Variants in ZFAND4 observed in about 807,000 individuals in gnomAD.
ZFAND4 encodes AN1-type zinc finger protein 4.
ZFAND4 carries 43 observed loss-of-function variants against 64.4 expected under a neutral mutation model. That is an observed-to-expected ratio of 0.67 (90% CI 0.52 to 0.86). The LOEUF is 0.86. ZFAND4 is among the 40% of genes least tolerant of loss of function. The pLI, the probability that ZFAND4 is intolerant of heterozygous loss-of-function variation, is 0.00. For missense variants in ZFAND4, 929 were observed against 859.8 expected (o/e 1.08, Z -1.01); for synonymous variants, 296 against 305.7 (o/e 0.97, Z 0.33).
At position 45,657,731 on chromosome 10, in the gene ZFAND4, T is replaced by A. The variant is rs1253942378; in HGVS notation, c.185-4672A>T. Among the ~76,000 whole-genome samples, 5 of 152,292 alleles carry A rather than the reference T, an allele frequency of 3.3e-5. No individual in the cohort carries two copies. The East Asian group carries it at 5.8e-4, about 18-fold the overall frequency. On this transcript the variant is annotated intron_variant, in intron 2 of 9. Transcript: ENST00000344646. ...AATGAGTAACTATGGTACTTCCTTA[T>A]AATGGAACATTACTCGGCCATAAAC...
chr10:45,628,896 C>CA (rs74412113), intron 6 of ZFAND4, among the ~76,000 whole-genome samples: 4,449 of 43,414 alleles, frequency 0.1, 137 homozygotes, highest in African/African-American at 0.17. Flanking sequence ...GGAGCTTCAC[C>CA]AAAAAAAAAA....
chr10:45,652,120 CAG>C, intron 3 of ZFAND4, 87 bp from the exon 4 acceptor site: 1 of 1,241,102 alleles, frequency 8.1e-7, no homozygotes, highest in African/African-American at 1.5e-5. Context: ...GCTTATCAGG[CAG>C]AGTGGCCACT....
chr10:45,621,105 A>G (rs566090093), intron 8 of ZFAND4, among the ~76,000 whole-genome samples: 1 of 152,326 alleles, frequency 6.6e-6, no homozygotes, highest in Admixed American at 6.5e-5. Flanking sequence ...AAAGTAATAA[A>G]TCAGTGTTCC....
chr10:45,617,905 T>C (rs185601369), intron 9 of ZFAND4: 127 of 248,880 alleles, frequency 5.1e-4, no homozygotes, highest in African/African-American at 2.5e-3. Flanking sequence ...CACTCTCAGA[T>C]TGGTTTAAAC....
At chr10:45,662,279 G>C (rs929060943) in intron 2 of ZFAND4, among the ~76,000 whole-genome samples, 1 of 152,124 alleles carries the variant, frequency 6.6e-6, no homozygotes, top group African/African-American at 2.4e-5. Flanking sequence ...CAGAGACAAG[G>C]ACTCTATAAC....
chr10:45,634,510 C>A (rs34028441), intron 6 of ZFAND4, among the ~76,000 whole-genome samples: 468 of 144,006 alleles, frequency 3.2e-3, no homozygotes, highest in Middle Eastern at 7.1e-3. Context: ...GCCTGGGCAA[C>A]AGCAAGACTC....
At chr10:45,666,661 T>C (rs1417760975) in intron 1 of ZFAND4, among the ~76,000 whole-genome samples, 4 of 152,238 alleles carry the variant, frequency 2.6e-5, no homozygotes, top group African/African-American at 9.6e-5. Flanking sequence ...TATGTTTAGG[T>C]GTACTGTCCA....
At chr10:45,616,656 A>G (rs1425033953) in intron 9 of ZFAND4, 85 bp from the exon 10 acceptor site, 1 of 1,419,730 alleles carries the variant, frequency 7.0e-7, no homozygotes, top group African/African-American at 1.4e-5. Flanking sequence ...GACTTCAGGT[A>G]GTCCAACAGG....
In ZFAND4 at chr10:45,626,006, T is replaced by C. The variant is rs1262527945; in HGVS notation, c.1817A>G (p.Gln606Arg). ...AGAACTTTTCCTAAAGTTTTCTTCC[T>C]GAAAATGCTGGAGGTTTGTAGACAG... ...TGLSTNLQHF[Q>R]EENFRKSSPQ... Residue 606 changes from glutamine (Q) to arginine (R), a missense_variant, in exon 7 of 10, where the codon CAG (glutamine) becomes CGG (arginine). Coordinates refer to ENST00000344646, the MANE Select transcript of ZFAND4 (RefSeq NM_174890.4). The C allele has an allele frequency of 1.2e-6, 2 of 1,614,190 alleles. No homozygotes were observed. Among genetic ancestry groups the C allele is most frequent in the South Asian group, 1.1e-5 (1 of 91,080 alleles).
chr10:45,669,070 G>C (rs2049012753), intron 1 of ZFAND4, among the ~76,000 whole-genome samples: 1 of 152,170 alleles, frequency 6.6e-6, no homozygotes, highest in South Asian at 2.1e-4. Flanking sequence ...GAAGGAAATA[G>C]AGACACAAAA....
At chr10:45,646,517 A>T (rs904188451) in intron 5 of ZFAND4, among the ~76,000 whole-genome samples, 4 of 152,238 alleles carry the variant, frequency 2.6e-5, no homozygotes, top group Non-Finnish European at 4.4e-5. Context: ...GAACAACAAG[A>T]CAGTTCTAAT....
intron 2 of ZFAND4, among the ~76,000 whole-genome samples, chr10:45,657,666 A>G (rs1299176652): frequency 6.6e-6 from 1 of 152,210 alleles, no homozygotes; most frequent in Non-Finnish European, 1.5e-5. Flanking sequence ...ATTTGTAATC[A>G]CCAAAAACTA....
Position 45,670,341 on chromosome 10 carries a change from C to T in ZFAND4, c.-118+1909G>A, listed in dbSNP as rs191577207. The stretch of plus-strand genomic sequence containing the variant: ...TCCCAGATTCAAGTGATTCTCCTGC[C>T]TCAGCCTCCCTAGTAGCTGGGATTA... On this transcript the variant is annotated intron_variant, in intron 1 of 9. Transcript: ENST00000344646. Among the ~76,000 whole-genome samples, 155 of 152,188 alleles carry T rather than the reference C, an allele frequency of 1.0e-3. 3 individuals are homozygous for T. In the East Asian group the frequency reaches 0.023, roughly 23 times the overall value.
intron 8 of ZFAND4, among the ~76,000 whole-genome samples, chr10:45,618,686 T>C (rs1564541871): frequency 6.6e-6 from 1 of 152,220 alleles, no homozygotes; most frequent in Non-Finnish European, 1.5e-5. Flanking sequence ...TCATGAAACA[T>C]GCCTTTTAGT....
chr10:45,639,183 C>CA (rs1002277868), intron 6 of ZFAND4, among the ~76,000 whole-genome samples: 2 of 151,000 alleles, frequency 1.3e-5, no homozygotes, highest in African/African-American at 2.4e-5. Flanking sequence ...TATAAAACTC[C>CA]AAAAAAAATC....
At chr10:45,664,023 A>T (rs542697021) in intron 1 of ZFAND4, among the ~76,000 whole-genome samples, 181 bp from the exon 2 acceptor site, 38 of 152,098 alleles carry the variant, frequency 2.5e-4, no homozygotes, top group Non-Finnish European at 5.4e-4. Context: ...TCCCATCTAG[A>T]CCATAAGATT....
At chr10:45,644,375 G>A (rs1400208354) in intron 5 of ZFAND4, among the ~76,000 whole-genome samples, 4 of 152,146 alleles carry the variant, frequency 2.6e-5, no homozygotes, top group African/African-American at 4.8e-5. Flanking sequence ...ACCAGGTTAG[G>A]CATTCATCAC....
rs770193421 is a variant in ZFAND4, at chr10:45,626,495, T to C, written c.1328A>G (p.Lys443Arg). The C allele has an allele frequency of 2.5e-6, 4 of 1,613,920 alleles. No individual in the cohort carries two copies. Among genetic ancestry groups the C allele is most frequent in the Admixed American group, 1.7e-5 (1 of 60,026 alleles). ...KGLKAPEQHL[K>R]HVAGVLNGES... is the part of the protein sequence containing the mutation. ...CCCATTCAGCACTCCTGCAACATGC[T>C]TGAGATGCTGCTCTGGAGCTTTCAA... is the stretch of plus-strand genomic sequence containing the variant. Residue 443 changes from lysine to arginine, a missense_variant, in exon 7 of 10, where the codon AAG becomes AGG. Coordinates refer to ENST00000344646, the MANE Select transcript of ZFAND4 (RefSeq NM_174890.4).
At position 45,672,648 on chromosome 10, in the gene ZFAND4, C is replaced by T. The variant is rs2049283662; in HGVS notation, c.-516G>A. 6.6e-6 allele frequency: 1 copy of T among 151,970 alleles called. No individual in the cohort carries two copies. The highest frequency in any genetic ancestry group is 6.6e-5 in the Admixed American group (1 of 15,250). 9.4% of individuals were successfully genotyped at this position (151,970 alleles called of 1,614,324 possible). A position where few individuals can be genotyped will look rare whatever the true frequency, so the allele number is the denominator to read the frequency against. On this transcript the variant is annotated 5_prime_UTR_variant, in exon 1 of 10. Transcript: ENST00000344646. ...CAGCGGCTCGCAGCCCGGGCGCCCCCCCTGCCGGCCGCTCGCTAGCTCAGC... is the reference window on the plus strand; with the variant it reads ...CAGCGGCTCGCAGCCCGGGCGCCCCTCCTGCCGGCCGCTCGCTAGCTCAGC...
Sources: gnomAD v4.1 joint callset for allele counts (sites outside exome capture counted in the v4.1 genomes callset) on GRCh38, gnomAD v4.1.1 for gene constraint, MANE v1.5 for transcripts, NCBI Gene and HGNC (gene_info 2026-07-23, HGNC 2026-07-21) for gene names.